Variants in ARAP3 observed in about 807,000 individuals in gnomAD.
The protein encoded by ARAP3 is ArfGAP with RhoGAP domain, ankyrin repeat and PH domain 3.
Under a neutral mutation model 169.2 loss-of-function variants are expected in ARAP3, and 82 were observed. The ratio of observed to expected loss-of-function variants is 0.48; its 90% CI spans 0.41 to 0.58. The LOEUF (loss-of-function observed/expected upper bound fraction) is 0.58, where lower values mean the gene tolerates loss of function less well. Among genes scored for constraint, ARAP3 ranks in the 20% least tolerant of loss-of-function variants. The pLI is 0.00. For missense variants in ARAP3, 1,764 were observed against 2,018.0 expected (o/e 0.87, Z 2.41); for synonymous variants, 791 against 800.3 (o/e 0.99, Z 0.20).
In ARAP3 at chr5:141,673,048, C is replaced by T. The variant is rs747792856; in HGVS notation, c.1058G>A (p.Gly353Asp). ...TGTGCGGAACACGAACACCCTCTGG[C>T]CGGTGATGACCTGGAACTTGTTGTC... ...SKDNKFQVITGQRVFVFRTES... is the reference protein window; with the variant it reads ...SKDNKFQVITDQRVFVFRTES... The change falls in exon 7 of 33, where the codon GGC becomes GAC. Residue 353 changes from glycine (G) to aspartate (D), a missense_variant. Gly to Asp is a moderately conservative substitution (Grantham distance 94). Coordinates refer to ENST00000239440, the MANE Select transcript of ARAP3 (RefSeq NM_022481.6). 6.2e-7 allele frequency: 1 copy of T among 1,614,192 alleles called. No individual in the cohort carries two copies. Among genetic ancestry groups the T allele is most frequent in the South Asian group, 1.1e-5 (1 of 91,086 alleles).
In ARAP3 at chr5:141,680,095, G is replaced by A. The variant is rs762190624; in HGVS notation, c.392C>T (p.Pro131Leu). 3.0e-5 allele frequency: 49 copies of A among 1,613,458 alleles called. No individual in the cohort carries two copies. The highest frequency in any genetic ancestry group is 4.2e-5 in the Non-Finnish European group (49 of 1,179,766). The change falls in exon 2 of 33, where the codon CCC becomes CTC. Residue 131 changes from proline (P) to leucine (L), a missense_variant. Physicochemically the swap from Pro to Leu is moderately conservative, Grantham distance 98. Transcript: ENST00000239440. Reference sequence around the variant, plus strand: ...GGGGAGAGGAGGAGGCCTTGGGCTGGGCTCTGGGCTCCTGGACACTCCTGG... The same window carrying A: ...GGGGAGAGGAGGAGGCCTTGGGCTGAGCTCTGGGCTCCTGGACACTCCTGG... Reference protein sequence around the residue: ...GGPGVSRSPEPSPRPPPLPTS... With the variant: ...GGPGVSRSPELSPRPPPLPTS...
intron 32 of ARAP3, 46 bp from the exon 33 acceptor site, chr5:141,654,481 C>A: frequency 6.6e-7 from 1 of 1,514,826 alleles, no homozygotes; most frequent in Non-Finnish European, 8.8e-7. Flanking sequence ...GTTAAAGTTA[C>A]CAGATTATGA....
chr5:141,678,010 C>T (rs2099912431), intron 4 of ARAP3, among the ~76,000 whole-genome samples: 1 of 150,052 alleles, frequency 6.7e-6, no homozygotes, highest in Non-Finnish European at 1.5e-5. Context: ...TGCAGCGGCA[C>T]AACCTTTGCT....
chr5:141,672,172 C>T lies in ARAP3; in HGVS notation c.1515G>A (p.Ala505=), dbSNP rs535147302. 27 of 1,614,172 alleles carry T rather than the reference C, an allele frequency of 1.7e-5. No homozygotes were observed. The East Asian group carries it at 2.7e-4, about 16-fold the overall frequency. The change falls in exon 10 of 33, where the codon GCG becomes GCA. Residue 505 remains alanine, a synonymous_variant. Transcript: ENST00000239440. This position sits in a 1 kb window ranked among gnomAD's most constrained non-coding sequence, Gnocchi z 4.9. ...AATCTGGGCGGGAGGACCCACAGTC[C>T]GCACACTGCCGGTTGGCCCGATTAG... The part of the protein sequence containing the change: ...IWSNRANRQC[A]DCGSSRPDWA...
chr5:141,672,024 G>A lies in ARAP3; in HGVS notation c.1586-44C>T. 8 of 1,613,896 alleles carry A rather than the reference G, an allele frequency of 5.0e-6. No homozygotes were observed. The highest frequency in any genetic ancestry group is 5.9e-6 in the Non-Finnish European group (7 of 1,179,898). ...GTGTGAGGGTGTGTGAGGGTGTGAG[G>A]GGCATGTGGCACGGGTACCCTGAGC... On this transcript the variant is annotated intron_variant, in intron 10 of 32. Transcript: ENST00000239440. This position sits in a 1 kb window ranked among gnomAD's most constrained non-coding sequence, Gnocchi z 4.9.
chr5:141,656,884 A>G, intron 25 of ARAP3, 38 bp from the exon 26 acceptor site: 12 of 1,593,100 alleles, frequency 7.5e-6, no homozygotes, highest in African/African-American at 1.3e-5. Flanking sequence ...ATCAATCAGA[A>G]TATCCATACT....
At chr5:141,679,843 G>A (rs1181394092) in intron 2 of ARAP3, 21 bp from the exon 3 acceptor site, 1 of 1,611,206 alleles carries the variant, frequency 6.2e-7, no homozygotes, top group Non-Finnish European at 8.5e-7. Context: ...AGGTCTATTG[G>A]TTACTTAAGG....
chr5:141,654,548 T>C (rs955214532), intron 32 of ARAP3, 113 bp from the exon 33 acceptor site: 1 of 1,433,830 alleles, frequency 7.0e-7, no homozygotes, highest in African/African-American at 1.4e-5. Context: ...ATACTTGGCA[T>C]GTATGATTCT....
rs2099911544 is a variant in ARAP3, at chr5:141,672,217, C to T, written c.1470G>A (p.Glu490=). 6.2e-7 allele frequency: 1 copy of T among 1,614,118 alleles called. No individual in the cohort carries two copies. ...EAVTETLSDY[E]VAEKIWSNRA... ...GATTAGACCAGATCTTCTCAGCCAC[C>T]TCGTAGTCAGACAGGGTCTCGGTTA... Residue 490 remains glutamate (E), a synonymous_variant, in exon 10 of 33, where the codon GAG becomes GAA. Coordinates refer to ENST00000239440, the MANE Select transcript of ARAP3 (RefSeq NM_022481.6). This position sits in a 1 kb window ranked among gnomAD's most constrained non-coding sequence, Gnocchi z 4.9.
intron 1 of ARAP3, among the ~76,000 whole-genome samples, chr5:141,681,115 C>G (rs1321847275): frequency 6.6e-6 from 1 of 152,210 alleles, no homozygotes; most frequent in Non-Finnish European, 1.5e-5. Flanking sequence ...GCCCTGGCCG[C>G]CTCCACATCC....
At position 141,672,984 on chromosome 5, in the gene ARAP3, G is replaced by T. The variant is rs529769096; in HGVS notation, c.1093+29C>A. 2 of 1,614,008 alleles carry T rather than the reference G, an allele frequency of 1.2e-6. No homozygotes were observed. The highest frequency in any genetic ancestry group is 2.2e-5 in the South Asian group (2 of 91,076). The stretch of plus-strand genomic sequence containing the variant: ...TGCTCACACAGCCTCCCTCCCTCCT[G>T]CCCTGACTCAGGGGGCTGTGGCCCT... On this transcript the variant is annotated intron_variant, in intron 7 of 32. Transcript: ENST00000239440. The surrounding 1 kb of genome is among the most constrained non-coding windows in gnomAD (Gnocchi z 4.9).
Position 141,672,947 on chromosome 5 carries a change from G to A in ARAP3, c.1094-22C>T, listed in dbSNP as rs1470295120. 3 of 1,612,094 alleles carry A rather than the reference G, an allele frequency of 1.9e-6. No individual in the cohort carries two copies. Among genetic ancestry groups the A allele is most frequent in the Non-Finnish European group, 2.5e-6 (3 of 1,178,964 alleles). On this transcript the variant is annotated intron_variant, in intron 7 of 32. Transcript: ENST00000239440. This position sits in a 1 kb window ranked among gnomAD's most constrained non-coding sequence, Gnocchi z 4.9. ...TGAGCTGGTGGGGATGGAGAAGCAG[G>A]TCAGTGGCTGTTGCTCACACAGCCT... is the stretch of plus-strand genomic sequence containing the variant.
intron 32 of ARAP3, 137 bp downstream of exon 32, chr5:141,655,225 T>TACACACACACACACAC (rs148481472): frequency 3.1e-4 from 151 of 491,126 alleles, no homozygotes; most frequent in African/African-American, 1.3e-3. Context: ...CCTGATGGCC[T>TACACACACACACACAC]ACACACACAC....
chr5:141,673,306 C>G lies in ARAP3; in HGVS notation c.972+95G>C, dbSNP rs1004914729. 6.4e-6 allele frequency: 10 copies of G among 1,571,436 alleles called. No individual in the cohort carries two copies. In the Admixed American group the frequency reaches 6.9e-5, roughly 11 times the overall value. On this transcript the variant is annotated intron_variant, in intron 6 of 32. Coordinates refer to ENST00000239440, the MANE Select transcript of ARAP3 (RefSeq NM_022481.6). ...TCAGTCATGCAGTCACTGCCCCGCCCACACACACAATGGACTTCCCTCCTT... is the reference window on the plus strand; with the variant it reads ...TCAGTCATGCAGTCACTGCCCCGCCGACACACACAATGGACTTCCCTCCTT...
At chr5:141,674,255 G>A (rs1366826028) in intron 4 of ARAP3, among the ~76,000 whole-genome samples, 2 of 151,868 alleles carry the variant, frequency 1.3e-5, no homozygotes, top group African/African-American at 4.8e-5. Context: ...GAGCCATCAC[G>A]CCCAGCCTCT....
In ARAP3 at chr5:141,680,396, C is replaced by G; in HGVS notation, c.91G>C (p.Ala31Pro). The G allele has an allele frequency of 6.2e-7, 1 of 1,614,024 alleles. No homozygotes were observed. The highest frequency in any genetic ancestry group is 8.5e-7 in the Non-Finnish European group (1 of 1,180,034). ...AGGCCCCGGGCTGCACCTGCTGTAG[C>G]CAGGCCATGCCGTCGGAACGTGTCT... ...YADTFRRHGL[A>P]TAGAARGLGH... is the part of the protein sequence containing the mutation. Residue 31 changes from alanine to proline, a missense_variant, in exon 2 of 33, where the codon GCT (alanine) becomes CCT (proline). Coordinates refer to ENST00000239440, the MANE Select transcript of ARAP3 (RefSeq NM_022481.6).
intron 4 of ARAP3, 150 bp from the exon 5 acceptor site, chr5:141,673,958 T>TA: frequency 2.1e-5 from 13 of 609,530 alleles, no homozygotes; most frequent in East Asian, 3.1e-5. Context: ...TTTCTTTTCT[T>TA]CTTTTTTTTT....
At position 141,671,101 on chromosome 5, in the gene ARAP3, T is replaced by G. The variant is rs747284733; in HGVS notation, c.1990+164A>C. 6.6e-6 allele frequency among the ~76,000 whole-genome samples: 1 copy of G among 152,218 alleles called. No homozygotes were observed. Among genetic ancestry groups the G allele is most frequent in the African/African-American group, 2.4e-5 (1 of 41,438 alleles). ...CTCCCCAGCCATGACCGTCATCAGCTATCACATGACATCAGGAGATAGGCC... is the reference window on the plus strand; with the variant it reads ...CTCCCCAGCCATGACCGTCATCAGCGATCACATGACATCAGGAGATAGGCC... On this transcript the variant is annotated intron_variant, in intron 13 of 32. Transcript: ENST00000239440. The surrounding 1 kb of genome is among the most constrained non-coding windows in gnomAD (Gnocchi z 4.9).
intron 4 of ARAP3, 148 bp from the exon 5 acceptor site, chr5:141,673,956 CT>C (rs1365112340): frequency 1.5e-5 from 8 of 541,142 alleles, no homozygotes; most frequent in African/African-American, 2.2e-5. Context: ...CTTTTCTTTT[CT>C]TCTTTTTTTT....
Sources: gnomAD v4.1 joint callset for allele counts (sites outside exome capture counted in the v4.1 genomes callset) on GRCh38, gnomAD v4.1.1 for gene constraint, Gnocchi (gnomAD v3.1) non-coding constraint, MANE v1.5 for transcripts, NCBI Gene and HGNC (gene_info 2026-07-23, HGNC 2026-07-21) for gene names.